MEGF6: variants seen among roughly 807,000 people sequenced by gnomAD.
MEGF6 encodes the protein multiple epidermal growth factor-like domains protein 6.
A neutral mutation model predicts 207.1 loss-of-function variants in MEGF6; 184 were observed. The ratio of observed to expected loss-of-function variants is 0.89; its 90% CI spans 0.79 to 1.00. The LOEUF is 1.00. MEGF6 is among the 50% of genes least tolerant of loss of function. The probability of loss-of-function intolerance (pLI) is 0.00; values close to 1 mark genes in which losing one functional copy is unlikely to be tolerated. For missense variants in MEGF6, 2,282 were observed against 2,202.9 expected, an observed-to-expected ratio of 1.04 and a Z score of -0.72; for synonymous variants, 1,038 against 910.0, an observed-to-expected ratio of 1.14 and a Z score of -2.53.
At chr1:3,525,582 C>A (rs372448873) in intron 4 of MEGF6, among the ~76,000 whole-genome samples, 2 of 152,352 alleles carry the variant, frequency 1.3e-5, no homozygotes, top group African/African-American at 4.8e-5. Context: ...CCTCCCATCA[C>A]AGGACACCTG....
intron 23 of MEGF6, 137 bp downstream of exon 23, chr1:3,499,451 G>A (rs919480125): frequency 1.9e-5 from 27 of 1,426,930 alleles, no homozygotes; most frequent in Middle Eastern, 2.5e-4. Flanking sequence ...GCTCTGGCCC[G>A]AGTGAGCAAA....
At chr1:3,521,928 C>T (rs1024316776) in intron 5 of MEGF6, among the ~76,000 whole-genome samples, 1 of 152,176 alleles carries the variant, frequency 6.6e-6, no homozygotes, top group Non-Finnish European at 1.5e-5. Context: ...TGTTCCCAGG[C>T]CAGGGGTCGC....
rs948726349 is a variant in MEGF6, at chr1:3,512,201, G to C, written c.854-73C>G. On this transcript the variant is annotated intron_variant, in intron 7 of 36. Coordinates refer to ENST00000356575, the MANE Select transcript of MEGF6 (RefSeq NM_001409.4). ...CTTTGCATGGGACCAGTGGAAGACA[G>C]TGCACGGCCTGCTGACACCCAGGGC... is the stretch of plus-strand genomic sequence containing the variant. The C allele has an allele frequency of 2.6e-6, 4 of 1,516,002 alleles. No homozygotes were observed. The African/African-American group carries it at 5.6e-5, about 21-fold the overall frequency. 93.9% of individuals were successfully genotyped at this position (1,516,002 alleles called of 1,614,324 possible).
At chr1:3,530,347 C>A (rs1264408046) in intron 4 of MEGF6, among the ~76,000 whole-genome samples, 2 of 152,156 alleles carry the variant, frequency 1.3e-5, no homozygotes, top group Admixed American at 6.5e-5. Context: ...ATTTCAGGGC[C>A]CCCCGCCAGC....
At chr1:3,493,393 G>A (rs1280120534) in intron 34 of MEGF6, 2 of 303,708 alleles carry the variant, frequency 6.6e-6, no homozygotes, top group Non-Finnish European at 1.2e-5. Flanking sequence ...ATCCTCAGGT[G>A]AGACCCTCCT....
chr1:3,612,373 G>A (rs1203886033), upstream of MEGF6, among the ~76,000 whole-genome samples: 5 of 152,160 alleles, frequency 3.3e-5, no homozygotes, highest in East Asian at 5.8e-4. Context: ...AGGCTTCTGC[G>A]AAGCAAGATT....
chr1:3,504,077 C>A (rs1216163248), intron 17 of MEGF6, among the ~76,000 whole-genome samples: 1 of 152,052 alleles, frequency 6.6e-6, no homozygotes, highest in Non-Finnish European at 1.5e-5. Flanking sequence ...GCTGGGGGGG[C>A]TTGAGTCCAG....
At chr1:3,530,934 G>A (rs1642134935) in intron 4 of MEGF6, 1 of 1,144,588 alleles carries the variant, frequency 8.7e-7, no homozygotes, top group Non-Finnish European at 1.1e-6. Flanking sequence ...CCAGAAGCAG[G>A]CGCGCCTGCC....
chr1:3,536,303 A>ATG (rs1570084266), intron 4 of MEGF6, among the ~76,000 whole-genome samples: 1 of 152,016 alleles, frequency 6.6e-6, no homozygotes, highest in East Asian at 1.9e-4. Flanking sequence ...TGCAACAACG[A>ATG]TGTGTGTGCC....
In MEGF6 at chr1:3,499,166, A is replaced by G; in HGVS notation, c.3066T>C (p.Pro1022=). The stretch of plus-strand genomic sequence containing the variant: ...GCAGGCAGGAGGGCCCCATCCAGCC[A>G]GGGGCACAGTGGCACTGCCCGTGGA... ...DPVHGQCHCA[P]GWMGPSCLQA... Residue 1022 remains proline (P), a synonymous_variant, in exon 24 of 37, where the codon CCT becomes CCC. Transcript: ENST00000356575. 6.2e-7 allele frequency: 1 copy of G among 1,604,472 alleles called. No homozygotes were observed. Among genetic ancestry groups the G allele is most frequent in the Middle Eastern group, 1.9e-4 (1 of 5,400 alleles).
rs1557805336 is a variant in MEGF6, at chr1:3,595,313, G to A, written c.376+25C>T. ...CCTCTGGGGTGGAGGTGGAGGGAGG[G>A]CGGGGAGGCGCAGGCGGCACTCACC... is the stretch of plus-strand genomic sequence containing the variant. On this transcript the variant is annotated intron_variant, in intron 3 of 36. Coordinates refer to ENST00000356575, the MANE Select transcript of MEGF6 (RefSeq NM_001409.4). 4.5e-6 allele frequency: 7 copies of A among 1,545,580 alleles called. No homozygotes were observed. In the East Asian group the frequency reaches 6.8e-5, roughly 15 times the overall value.
At chr1:3,551,362 T>C (rs760194432) in intron 4 of MEGF6, among the ~76,000 whole-genome samples, 2 of 151,868 alleles carry the variant, frequency 1.3e-5, no homozygotes, top group East Asian at 3.9e-4. Flanking sequence ...GCCAAAGGGG[T>C]GGGATGTGGG....
At chr1:3,570,204 G>A (rs1378549746) in intron 4 of MEGF6, among the ~76,000 whole-genome samples, 1 of 152,176 alleles carries the variant, frequency 6.6e-6, no homozygotes, top group East Asian at 1.9e-4. Context: ...TGAGGCCAGA[G>A]AAGCCAAAGT....
In MEGF6 at chr1:3,524,158, G is replaced by T. The variant is rs1276856519; in HGVS notation, c.570C>A (p.Gly190=). ...TCCTGCTGTCAGTGTGGAGCCGGAAGCCGGGCTTGCACTCACAGAGGTAGG... is the reference window on the plus strand; with the variant it reads ...TCCTGCTGTCAGTGTGGAGCCGGAATCCGGGCTTGCACTCACAGAGGTAGG... The part of the protein sequence containing the change: ...PGSYLCECKP[G]FRLHTDSRTC... The change falls in exon 5 of 37, where the codon GGC becomes GGA. Residue 190 remains glycine (G), a synonymous_variant. Coordinates refer to ENST00000356575, the MANE Select transcript of MEGF6 (RefSeq NM_001409.4). 1 of 1,612,834 alleles carries T rather than the reference G, an allele frequency of 6.2e-7. No individual in the cohort carries two copies. Among genetic ancestry groups the T allele is most frequent in the South Asian group, 1.1e-5 (1 of 91,078 alleles).
chr1:3,499,185 C>G lies in MEGF6; in HGVS notation c.3047G>C (p.Gly1016Ala), dbSNP rs1172735608. ...FNGASCDPVHGQCHCAPGWMG... is the reference protein window; with the variant it reads ...FNGASCDPVHAQCHCAPGWMG... ...CCAGCCAGGGGCACAGTGGCACTGC[C>G]CGTGGACAGGGTCACAGGAGGCCCC... The change falls in exon 24 of 37, where the codon GGG (glycine) becomes GCG (alanine). Residue 1016 changes from glycine to alanine, a missense_variant. Coordinates refer to ENST00000356575, the MANE Select transcript of MEGF6 (RefSeq NM_001409.4). 6.2e-7 allele frequency: 1 copy of G among 1,604,118 alleles called. No individual in the cohort carries two copies. The highest frequency in any genetic ancestry group is 8.5e-7 in the Non-Finnish European group (1 of 1,176,636).
At chr1:3,553,452 G>A (rs1642945139) in intron 4 of MEGF6, among the ~76,000 whole-genome samples, 1 of 152,150 alleles carries the variant, frequency 6.6e-6, no homozygotes, top group African/African-American at 2.4e-5. Flanking sequence ...ACGAGGAGGG[G>A]GAGCCTCACC....
chr1:3,579,837 G>T lies in MEGF6; in HGVS notation c.469C>A (p.Arg157Ser). ...GGGCTCCACTCACCATACTGACAGC[G>T]GGGTCCCTGGAAGCCGGGGGGACAG... is the stretch of plus-strand genomic sequence containing the variant. Reference protein sequence around the residue: ...CHCPPGFQGPRCQYDVDECRT... With the variant: ...CHCPPGFQGPSCQYDVDECRT... The change falls in exon 4 of 37, where the codon CGC (arginine) becomes AGC (serine). Residue 157 changes from arginine (R) to serine (S), a missense_variant. Transcript: ENST00000356575. 5 of 1,526,274 alleles carry T rather than the reference G, an allele frequency of 3.3e-6. No homozygotes were observed. Among genetic ancestry groups the T allele is most frequent in the Non-Finnish European group, 4.4e-6 (5 of 1,143,234 alleles). 94.5% of individuals were successfully genotyped at this position (1,526,274 alleles called of 1,614,324 possible).
Position 3,494,659 on chromosome 1 carries a change from G to A in MEGF6, c.3954C>T (p.Gly1318=). 1.3e-6 allele frequency: 2 copies of A among 1,566,184 alleles called. No homozygotes were observed. Among genetic ancestry groups the A allele is most frequent in the Non-Finnish European group, 8.6e-7 (1 of 1,156,836 alleles). ...TCCAGCCCAGGCCACAGGAGCAGCT[G>A]CCGTTGCTGGCGTGGCACAGGCCCC... is the stretch of plus-strand genomic sequence containing the variant. ...RNGGLCHASN[G]SCSCGLGWTG... Residue 1318 remains glycine, a synonymous_variant, in exon 31 of 37, where the codon GGC becomes GGT. Coordinates refer to ENST00000356575, the MANE Select transcript of MEGF6 (RefSeq NM_001409.4).
rs76972514 is a variant in MEGF6 at position 3,489,633 on chromosome 1, C to T, written c.*895G>A. On this transcript the variant is annotated 3_prime_UTR_variant, in exon 37 of 37. Transcript: ENST00000356575. ...TGGGTGGGGTGAGCCCAAGGGAGTT[C>T]GGCCTCAGTCCAGGTTGCCCCTCCA... Among the ~76,000 whole-genome samples, 11,665 of 152,212 alleles carry T rather than the reference C, an allele frequency of 0.077. 539 individuals carry two copies. Among genetic ancestry groups the T allele is most frequent in the East Asian group, 0.15 (762 of 5,170 alleles).
Sources: gnomAD v4.1 joint callset for allele counts (sites outside exome capture counted in the v4.1 genomes callset) on GRCh38, gnomAD v4.1.1 for gene constraint, MANE v1.5 for transcripts, NCBI Gene and HGNC (gene_info 2026-07-23, HGNC 2026-07-21) for gene names.